Variants in DAPP1 observed in about 807,000 individuals in gnomAD.
The protein encoded by DAPP1 is dual adapter for phosphotyrosine and 3-phosphotyrosine and 3-phosphoinositide.
A neutral mutation model predicts 41.5 loss-of-function variants in DAPP1; 20 were observed. That is an observed-to-expected ratio of 0.48 (90% CI 0.34 to 0.70). DAPP1 has a LOEUF of 0.70. Ranked by LOEUF, DAPP1 falls within the 30% of genes least tolerant of loss-of-function variation. DAPP1 has a pLI of 0.01. For synonymous variants in DAPP1, 113 were observed against 116.2 expected (o/e 0.97, Z 0.18); for missense variants, 233 against 333.4 (o/e 0.70, Z 2.35).
chr4:99,863,050 T>C lies in DAPP1; in HGVS notation c.578T>C (p.Leu193Pro). ...TRWFTLHRNE[L>P]KYFKDQMSPE... Reference sequence around the variant, plus strand: ...TGGTTTACTCTGCACAGGAATGAACTGAAATACTTCAAAGACCAGATGGTG... The same window carrying C: ...TGGTTTACTCTGCACAGGAATGAACCGAAATACTTCAAAGACCAGATGGTG... Residue 193 changes from leucine to proline, a missense_variant, in exon 6 of 9, where the codon CTG becomes CCG. Leu to Pro is a moderately conservative substitution (Grantham distance 98). Coordinates refer to ENST00000512369, the MANE Select transcript of DAPP1 (RefSeq NM_014395.3). 1 of 1,588,580 alleles carries C rather than the reference T, an allele frequency of 6.3e-7. No individual in the cohort carries two copies. The highest frequency in any genetic ancestry group is 8.5e-7 in the Non-Finnish European group (1 of 1,171,244).
At chr4:99,847,938 C>T (rs28679452) in intron 3 of DAPP1, among the ~76,000 whole-genome samples, 77,521 of 151,610 alleles carry the variant, frequency 0.51, 20,263 homozygotes, top group African/African-American at 0.61. Context: ...CTCAGCCTCC[C>T]GAGTAGCTGG....
At chr4:99,846,752 T>C (rs915149391) in intron 3 of DAPP1, among the ~76,000 whole-genome samples, 4 of 152,210 alleles carry the variant, frequency 2.6e-5, no homozygotes, top group African/African-American at 9.7e-5. Context: ...TGACTTGACT[T>C]GGATATTTGA....
chr4:99,817,497 A>G (rs1359473513), intron 1 of DAPP1, among the ~76,000 whole-genome samples: 1 of 152,240 alleles, frequency 6.6e-6, no homozygotes, highest in African/African-American at 2.4e-5. Context: ...TTCCTGCAAC[A>G]GTCTCGCTTG....
intron 4 of DAPP1, among the ~76,000 whole-genome samples, chr4:99,860,023 C>G (rs3775510): frequency 0.078 from 11,823 of 152,228 alleles, 568 homozygotes; most frequent in East Asian, 0.24. Context: ...GGCTGGCAGG[C>G]AAGTAGGTAG....
intron 1 of DAPP1, among the ~76,000 whole-genome samples, chr4:99,830,774 CTCTCTT>C (rs2110139275): frequency 6.6e-6 from 1 of 152,268 alleles, no homozygotes; most frequent in African/African-American, 2.4e-5. Context: ...TTCTCTCTCT[CTCTCTT>C]TCTCTTTCTC....
At chr4:99,861,942 T>TA (rs1724254390) in intron 5 of DAPP1, among the ~76,000 whole-genome samples, 1 of 152,160 alleles carries the variant, frequency 6.6e-6, no homozygotes, top group Non-Finnish European at 1.5e-5. Context: ...GTTCTTCTTC[T>TA]AAAACAAGGA....
intron 4 of DAPP1, among the ~76,000 whole-genome samples, chr4:99,857,871 T>G (rs188927239): frequency 6.6e-6 from 1 of 152,194 alleles, no homozygotes; most frequent in African/African-American, 2.4e-5. Context: ...ATTATTTGAG[T>G]ATATCAATTT....
rs1724598999 is a variant in DAPP1, at chr4:99,870,142, A to G, written c.*1957A>G. The G allele has an allele frequency of 6.6e-6, 1 of 152,116 alleles. No individual in the cohort carries two copies. Among genetic ancestry groups the G allele is most frequent in the African/African-American group, 2.4e-5 (1 of 41,402 alleles). The allele number at this position is 152,116 out of a possible 1,614,324, so 9.4% of individuals were successfully genotyped here. A position where few individuals can be genotyped will look rare whatever the true frequency, so the allele number is the denominator to read the frequency against. On this transcript the variant is annotated 3_prime_UTR_variant, in exon 9 of 9. Coordinates refer to ENST00000512369, the MANE Select transcript of DAPP1 (RefSeq NM_014395.3). ...ATTAAAAAGCATGATTTTGCTGTGC[A>G]TGTACCATTTTGCTATTAAAATTTA...
At chr4:99,819,501 A>G (rs1299087847) in intron 1 of DAPP1, among the ~76,000 whole-genome samples, 3 of 152,212 alleles carry the variant, frequency 2.0e-5, no homozygotes, top group African/African-American at 7.2e-5. Context: ...AGAACTCTTG[A>G]CAATGACTTG....
chr4:99,842,091 A>G (rs1447479066), intron 3 of DAPP1, among the ~76,000 whole-genome samples: 1 of 152,254 alleles, frequency 6.6e-6, no homozygotes, highest in African/African-American at 2.4e-5. Flanking sequence ...CACTGATCCA[A>G]TCATCAGGCA....
chr4:99,861,149 A>G (rs1302963684), intron 4 of DAPP1, among the ~76,000 whole-genome samples: 1 of 152,236 alleles, frequency 6.6e-6, no homozygotes, highest in Non-Finnish European at 1.5e-5. Flanking sequence ...TACAAAGTAT[A>G]TTAGCATAAT....
chr4:99,863,744 C>A, intron 6 of DAPP1, 26 bp from the exon 7 acceptor site: 505 of 1,078,170 alleles, frequency 4.7e-4, no homozygotes, highest in Non-Finnish European at 6.0e-4. Flanking sequence ...TTAATGGTGA[C>A]ATACGTTGCT....
rs1260351059 is a variant in DAPP1, at chr4:99,816,975, G to A, written c.62G>A (p.Ser21Asn). Reference sequence around the variant, plus strand: ...ACCCAGGATCCCTCAGATCTGTGGAGCAGATCCGATGGAGAGGCTGAGCTG... The same window carrying A: ...ACCCAGGATCCCTCAGATCTGTGGAACAGATCCGATGGAGAGGCTGAGCTG... ...MSTQDPSDLW[S>N]RSDGEAELLQ... Residue 21 changes from serine (S) to asparagine (N), a missense_variant, in exon 1 of 9, where the codon AGC becomes AAC. Ser to Asn is a conservative substitution (Grantham distance 46). Transcript: ENST00000512369. The A allele has an allele frequency of 6.2e-7, 1 of 1,607,772 alleles. No individual in the cohort carries two copies. The highest frequency in any genetic ancestry group is 1.1e-5 in the South Asian group (1 of 89,450).
At chr4:99,829,479 T>C (rs1723048269) in intron 1 of DAPP1, among the ~76,000 whole-genome samples, 1 of 150,890 alleles carries the variant, frequency 6.6e-6, no homozygotes, top group African/African-American at 2.4e-5. Flanking sequence ...AAACTCCGTC[T>C]CAAAAAAAAA....
intron 1 of DAPP1, among the ~76,000 whole-genome samples, chr4:99,827,220 A>G (rs1460194047): frequency 6.6e-6 from 1 of 152,128 alleles, no homozygotes; most frequent in East Asian, 1.9e-4. Context: ...TCCCAGTAGT[A>G]AAAAGTTTCT....
At chr4:99,845,512 CTGCTACAATAA>C (rs1252460223) in intron 3 of DAPP1, among the ~76,000 whole-genome samples, 4 of 152,224 alleles carry the variant, frequency 2.6e-5, no homozygotes, top group African/African-American at 4.8e-5. Flanking sequence ...GGAAGAATTT[CTGCTACAATAA>C]TGTAGTAGAA....
At chr4:99,820,058 A>G (rs1722712785) in intron 1 of DAPP1, among the ~76,000 whole-genome samples, 1 of 152,202 alleles carries the variant, frequency 6.6e-6, no homozygotes, top group South Asian at 2.1e-4. Flanking sequence ...TCCAGAAGCA[A>G]AGGAGAAATA....
intron 3 of DAPP1, among the ~76,000 whole-genome samples, chr4:99,846,578 A>T (rs1578179162): frequency 6.6e-6 from 1 of 152,352 alleles, no homozygotes; most frequent in East Asian, 1.9e-4. Flanking sequence ...ATTCCATCAG[A>T]TTCTATGCAA....
intron 4 of DAPP1, among the ~76,000 whole-genome samples, chr4:99,858,520 A>T (rs893868978): frequency 1.3e-5 from 2 of 152,120 alleles, no homozygotes; most frequent in African/African-American, 4.8e-5. Context: ...CTTCACTCTA[A>T]AGTCACCATA....
Sources: gnomAD v4.1 joint callset for allele counts (sites outside exome capture counted in the v4.1 genomes callset) on GRCh38, gnomAD v4.1.1 for gene constraint, MANE v1.5 for transcripts, NCBI Gene and HGNC (gene_info 2026-07-23, HGNC 2026-07-21) for gene names.